SPHKAP: variants seen among roughly 807,000 people sequenced by gnomAD.
SPHKAP encodes A-kinase anchor protein SPHKAP.
Under a neutral mutation model 137.5 loss-of-function variants are expected in SPHKAP, and 67 were observed. The observed-to-expected ratio is 0.49, with a 90% confidence interval of 0.40 to 0.60. SPHKAP has a LOEUF of 0.60. Among genes scored for constraint, SPHKAP ranks in the 20% least tolerant of loss-of-function variants. The probability of loss-of-function intolerance (pLI) is 0.00; values close to 1 mark genes in which losing one functional copy is unlikely to be tolerated. For missense variants in SPHKAP, 2,097 were observed against 2,069.3 expected, an observed-to-expected ratio of 1.01 and a Z score of -0.26; for synonymous variants, 813 against 785.3, an observed-to-expected ratio of 1.04 and a Z score of -0.59.
At chr2:228,079,383 G>T (rs1383845555) in intron 3 of SPHKAP, among the ~76,000 whole-genome samples, 1 of 152,132 alleles carries the variant, frequency 6.6e-6, no homozygotes, top group Non-Finnish European at 1.5e-5. Flanking sequence ...TGGGGTTGGG[G>T]ATCCCTGGCC....
In SPHKAP at chr2:228,093,726, C is replaced by G. The variant is rs1017428633; in HGVS notation, c.246+15106G>C. ...TGGAAAAATTAGCTGAGAGTGGTGG[C>G]GGGTGCCTGTAATCTCAGCTACTCA... On this transcript the variant is annotated intron_variant, in intron 3 of 11. Transcript: ENST00000392056. Among the ~76,000 whole-genome samples the G allele has an allele frequency of 1.1e-4, 13 of 116,994 alleles. No individual in the cohort carries two copies. In the East Asian group the frequency reaches 3.0e-3, roughly 27 times the overall value. The allele number at this position is 116,994 out of a possible 152,430, so 76.8% of individuals were successfully genotyped here.
intron 3 of SPHKAP, among the ~76,000 whole-genome samples, chr2:228,087,876 G>C (rs1340244830): frequency 6.6e-6 from 1 of 152,102 alleles, no homozygotes; most frequent in East Asian, 1.9e-4. Context: ...GCAAATATTT[G>C]AAAGAAATAA....
chr2:228,018,681 T>C lies in SPHKAP; in HGVS notation c.2173A>G (p.Ser725Gly). The stretch of plus-strand genomic sequence containing the variant: ...CATTCACCAAGCCGTACAATATGAC[T>C]CATCTTCTTGAACGTGAAGCATATC... ...DVICFTFKKM[S>G]HIVRLGECPA... The change falls in exon 7 of 12, where the codon AGT becomes GGT. Residue 725 changes from serine to glycine, a missense_variant. Ser to Gly is a moderately conservative substitution (Grantham distance 56). Coordinates refer to ENST00000392056, the MANE Select transcript of SPHKAP (RefSeq NM_001142644.2). The C allele has an allele frequency of 2.5e-6, 4 of 1,614,204 alleles. No individual in the cohort carries two copies. The highest frequency in any genetic ancestry group is 3.4e-6 in the Non-Finnish European group (4 of 1,180,032).
chr2:228,132,459 C>T, intron 1 of SPHKAP: 1 of 656,510 alleles, frequency 1.5e-6, no homozygotes, highest in Non-Finnish European at 1.9e-6. Flanking sequence ...CAACACATAA[C>T]AAAATATTCA....
intron 3 of SPHKAP, among the ~76,000 whole-genome samples, chr2:228,107,113 G>A (rs1698366845): frequency 2.0e-5 from 3 of 151,664 alleles, no homozygotes; most frequent in Non-Finnish European, 2.9e-5. Context: ...CATTCTTTTG[G>A]CATTTTTCAA....
chr2:228,152,312 G>C (rs1283101538), intron 1 of SPHKAP, among the ~76,000 whole-genome samples: 1 of 151,874 alleles, frequency 6.6e-6, no homozygotes, highest in Non-Finnish European at 1.5e-5. Flanking sequence ...TTTTATTTTT[G>C]AGGCAATTTT....
chr2:228,009,559 A>G (rs1259241789), intron 7 of SPHKAP, among the ~76,000 whole-genome samples: 1 of 152,146 alleles, frequency 6.6e-6, no homozygotes, highest in Admixed American at 6.5e-5. Context: ...TTTGATGATT[A>G]TACTCCTTAT....
chr2:228,046,300 T>TC (rs1186100109), intron 3 of SPHKAP, among the ~76,000 whole-genome samples: 1 of 148,488 alleles, frequency 6.7e-6, no homozygotes, highest in East Asian at 1.9e-4. Flanking sequence ...TCTTTTTTTT[T>TC]TTTTTTTTTT....
intron 7 of SPHKAP, among the ~76,000 whole-genome samples, chr2:228,012,804 A>G (rs1296961439): frequency 2.0e-5 from 3 of 152,256 alleles, no homozygotes; most frequent in Non-Finnish European, 4.4e-5. Context: ...GTCAGTAAGT[A>G]TAGCATGTGA....
intron 7 of SPHKAP, chr2:227,995,909 C>A: frequency 1.0e-6 from 1 of 977,238 alleles, no homozygotes; most frequent in Non-Finnish European, 1.2e-6. Flanking sequence ...CTATTAATCT[C>A]TTTCTACTGA....
At chr2:228,130,472 T>C (rs1436133579) in intron 2 of SPHKAP, among the ~76,000 whole-genome samples, 2 of 152,172 alleles carry the variant, frequency 1.3e-5, no homozygotes, top group Non-Finnish European at 2.9e-5. Context: ...ATGAGGAAAT[T>C]GAGATATGAA....
At chr2:228,063,198 A>G (rs55993801) in intron 3 of SPHKAP, among the ~76,000 whole-genome samples, 7,969 of 114,504 alleles carry the variant, frequency 0.07, 218 homozygotes, top group East Asian at 0.15. Flanking sequence ...CTGTCTGTCT[A>G]TCTATCTATC....
intron 3 of SPHKAP, among the ~76,000 whole-genome samples, chr2:228,055,687 T>C (rs1265842659): frequency 1.3e-5 from 2 of 152,228 alleles, no homozygotes; most frequent in Non-Finnish European, 2.9e-5. Flanking sequence ...TATTGCATAC[T>C]GATGACAGCT....
chr2:228,165,436 T>C (rs1399021056), intron 1 of SPHKAP, among the ~76,000 whole-genome samples: 7 of 152,222 alleles, frequency 4.6e-5, no homozygotes, highest in Non-Finnish European at 8.8e-5. Flanking sequence ...CTTTCATACA[T>C]TCAGTTGAAA....
intron 3 of SPHKAP, among the ~76,000 whole-genome samples, chr2:228,053,428 G>A (rs1696329139): frequency 6.6e-6 from 1 of 152,120 alleles, no homozygotes; most frequent in South Asian, 2.1e-4. Flanking sequence ...AAATCTGTTT[G>A]TCCAGAGAGG....
intron 1 of SPHKAP, among the ~76,000 whole-genome samples, chr2:228,177,567 A>T (rs77807907): frequency 0.12 from 18,930 of 152,268 alleles, 1,194 homozygotes; most frequent in East Asian, 0.19. Context: ...ACTCTTAAAT[A>T]TCTCCTTTTG....
intron 1 of SPHKAP, among the ~76,000 whole-genome samples, chr2:228,141,680 A>T (rs1699611504): frequency 1.3e-5 from 2 of 152,212 alleles, no homozygotes; most frequent in African/African-American, 4.8e-5. Flanking sequence ...TTAATCAATT[A>T]TTCTAAGACA....
chr2:228,022,602 A>G (rs926730150), intron 5 of SPHKAP, among the ~76,000 whole-genome samples: 7 of 152,180 alleles, frequency 4.6e-5, no homozygotes, highest in Non-Finnish European at 8.8e-5. Context: ...TCTGGGTATA[A>G]AGCTGGCAAG....
intron 2 of SPHKAP, among the ~76,000 whole-genome samples, chr2:228,123,139 A>G (rs1251236742): frequency 6.6e-6 from 1 of 152,136 alleles, no homozygotes; most frequent in East Asian, 1.9e-4. Flanking sequence ...CCAGATTGCA[A>G]GCTGTCTTTG....
Sources: gnomAD v4.1 joint callset for allele counts (sites outside exome capture counted in the v4.1 genomes callset) on GRCh38, gnomAD v4.1.1 for gene constraint, MANE v1.5 for transcripts, NCBI Gene and HGNC (gene_info 2026-07-23, HGNC 2026-07-21) for gene names.